EPHA3: variants seen among roughly 807,000 people sequenced by gnomAD.
EPHA3 encodes ephrin type-A receptor 3.
EPHA3 carries 42 observed loss-of-function variants against 107.1 expected under a neutral mutation model. That is an observed-to-expected ratio of 0.39 (90% CI 0.31 to 0.51). The LOEUF is 0.51. Among genes scored for constraint, EPHA3 ranks in the 20% least tolerant of loss-of-function variants. The probability of loss-of-function intolerance (pLI) is 0.78; values close to 1 mark genes in which losing one functional copy is unlikely to be tolerated. For synonymous variants in EPHA3, 461 were observed against 424.8 expected (o/e 1.09, Z -1.05); for missense variants, 1,183 against 1,211.2 (o/e 0.98, Z 0.35).
chr3:89,323,954 C>A (rs1707100897), intron 3 of EPHA3, among the ~76,000 whole-genome samples: 1 of 151,842 alleles, frequency 6.6e-6, no homozygotes, highest in Non-Finnish European at 1.5e-5. Flanking sequence ...ATATTGGAAT[C>A]CATTTTTTTT....
At chr3:89,316,066 C>T (rs185187914) in intron 3 of EPHA3, among the ~76,000 whole-genome samples, 152 of 151,656 alleles carry the variant, frequency 1.0e-3, no homozygotes, top group Admixed American at 3.8e-3. Flanking sequence ...GAAAAAATAA[C>T]GCAAAAAATA....
At chr3:89,162,920 G>A (rs1025049032) in intron 2 of EPHA3, among the ~76,000 whole-genome samples, 44 of 152,102 alleles carry the variant, frequency 2.9e-4, no homozygotes, top group African/African-American at 9.4e-4. Flanking sequence ...CCCAGCAGCC[G>A]GGGCTGCAGT....
At chr3:89,190,829 T>C (rs1017411227) in intron 2 of EPHA3, among the ~76,000 whole-genome samples, 5 of 152,196 alleles carry the variant, frequency 3.3e-5, no homozygotes, top group African/African-American at 1.2e-4. Context: ...TCCCTCAATA[T>C]ATGTCTGTGT....
chr3:89,364,290 A>G (rs1576337779), intron 5 of EPHA3, among the ~76,000 whole-genome samples: 1 of 150,884 alleles, frequency 6.6e-6, no homozygotes, highest in Admixed American at 6.7e-5. Flanking sequence ...TTGAAACCAG[A>G]ATTGCTTAAA....
chr3:89,243,347 T>TTCCACAAA (rs1173024416), intron 3 of EPHA3, among the ~76,000 whole-genome samples: 1 of 152,184 alleles, frequency 6.6e-6, no homozygotes, highest in Non-Finnish European at 1.5e-5. Context: ...TCCACAATGG[T>TTCCACAAA]TGAACTAGTT....
chr3:89,288,127 C>A (rs1351699264), intron 3 of EPHA3, among the ~76,000 whole-genome samples: 1 of 151,692 alleles, frequency 6.6e-6, no homozygotes, highest in African/African-American at 2.4e-5. Flanking sequence ...CAAAAGAATG[C>A]AATTACAAAT....
chr3:89,164,395 C>T lies in EPHA3; in HGVS notation c.153+37122C>T, dbSNP rs144880301. Among the ~76,000 whole-genome samples the T allele has an allele frequency of 1.5e-3, 229 of 152,312 alleles. 1 individual carries two copies. The highest frequency in any genetic ancestry group is 5.2e-3 in the African/African-American group (217 of 41,552). Reference sequence around the variant, plus strand: ...GGGTTGAACAAGCTTGGCCTAGACACGCCCCCCTAAAAAATCCAACAAACC... The same window carrying T: ...GGGTTGAACAAGCTTGGCCTAGACATGCCCCCCTAAAAAATCCAACAAACC... On this transcript the variant is annotated intron_variant, in intron 2 of 16. Transcript: ENST00000336596.
At chr3:89,359,179 T>G (rs192258609) in intron 5 of EPHA3, among the ~76,000 whole-genome samples, 2 of 151,304 alleles carry the variant, frequency 1.3e-5, no homozygotes, top group Admixed American at 1.3e-4. Flanking sequence ...AGACAATGTC[T>G]AAAGTTTAGA....
At chr3:89,477,234 A>T (rs1285033454) in intron 16 of EPHA3, among the ~76,000 whole-genome samples, 1 of 152,158 alleles carries the variant, frequency 6.6e-6, no homozygotes, top group Non-Finnish European at 1.5e-5. Flanking sequence ...CAGTACACTA[A>T]GCGTGGCAAG....
At chr3:89,153,140 A>T (rs142622634) in intron 2 of EPHA3, among the ~76,000 whole-genome samples, 154 of 152,222 alleles carry the variant, frequency 1.0e-3, no homozygotes, top group African/African-American at 3.6e-3. Flanking sequence ...TTGGAAAATG[A>T]AGAGTTCCAT....
chr3:89,323,057 A>C (rs1281461238), intron 3 of EPHA3, among the ~76,000 whole-genome samples: 1 of 152,146 alleles, frequency 6.6e-6, no homozygotes, highest in Non-Finnish European at 1.5e-5. Flanking sequence ...TGTTGGTATA[A>C]TATTCCAAGA....
chr3:89,321,170 TAA>T (rs1707035116), intron 3 of EPHA3, among the ~76,000 whole-genome samples: 1 of 152,020 alleles, frequency 6.6e-6, no homozygotes, highest in African/African-American at 2.4e-5. Context: ...AGCTTTTTTT[TAA>T]GGTTCTATGC....
Position 89,252,064 on chromosome 3 carries a change from GAAT to G in EPHA3, c.814+41550_814+41552del, listed in dbSNP as rs1247889821. Among the ~76,000 whole-genome samples the G allele has an allele frequency of 2.0e-5, 3 of 151,928 alleles. No homozygotes were observed. In the East Asian group the frequency reaches 5.8e-4, roughly 29 times the overall value. On this transcript the variant is annotated intron_variant, in intron 3 of 16. Transcript: ENST00000336596. ...TAGTTTCTATAGATCTTCTACTCAGGAATAATAAATTATAAAGGAAAAACATGT... is the reference window on the plus strand; with the variant it reads ...TAGTTTCTATAGATCTTCTACTCAGGAATAAATTATAAAGGAAAAACATGT...
At chr3:89,270,554 A>G (rs1195046514) in intron 3 of EPHA3, among the ~76,000 whole-genome samples, 1 of 152,134 alleles carries the variant, frequency 6.6e-6, no homozygotes, top group African/African-American at 2.4e-5. Context: ...TCAGTCCACC[A>G]TAAATAATTA....
intron 3 of EPHA3, among the ~76,000 whole-genome samples, chr3:89,278,694 C>T (rs1199299986): frequency 6.6e-6 from 1 of 152,160 alleles, no homozygotes; most frequent in Non-Finnish European, 1.5e-5. Flanking sequence ...CTGCTATTTT[C>T]AGATCTTGAT....
At chr3:89,478,900 C>T (rs764624649) in intron 16 of EPHA3, among the ~76,000 whole-genome samples, 1 of 152,182 alleles carries the variant, frequency 6.6e-6, no homozygotes, top group African/African-American at 2.4e-5. Flanking sequence ...AAGATGTTGG[C>T]AGTACCATAA....
chr3:89,197,996 AT>A (rs1208845691), intron 2 of EPHA3, among the ~76,000 whole-genome samples: 4 of 152,156 alleles, frequency 2.6e-5, no homozygotes, highest in African/African-American at 4.8e-5. Context: ...AAATAAAAAA[AT>A]AAATATGCAA....
chr3:89,246,456 T>C (rs1705036074), intron 3 of EPHA3, among the ~76,000 whole-genome samples: 1 of 151,284 alleles, frequency 6.6e-6, no homozygotes. Context: ...CACAACACTT[T>C]AACATGACAT....
intron 2 of EPHA3, among the ~76,000 whole-genome samples, chr3:89,145,114 A>T (rs966997946): frequency 4.6e-5 from 7 of 151,652 alleles, no homozygotes; most frequent in African/African-American, 1.7e-4. Flanking sequence ...TGTTTTCTTG[A>T]TAGAGGAGGG....
Sources: gnomAD v4.1 joint callset for allele counts (sites outside exome capture counted in the v4.1 genomes callset) on GRCh38, gnomAD v4.1.1 for gene constraint, MANE v1.5 for transcripts, NCBI Gene and HGNC (gene_info 2026-07-23, HGNC 2026-07-21) for gene names.